Variants in DOCK3 observed in about 807,000 individuals in gnomAD.
DOCK3 encodes the protein dedicator of cytokinesis 3, also known as dedicator of cytokinesis protein 3.
DOCK3 carries 60 observed loss-of-function variants against 265.6 expected under a neutral mutation model. That is an observed-to-expected ratio of 0.23 (90% CI 0.18 to 0.28). DOCK3 has a LOEUF of 0.28. Among genes scored for constraint, DOCK3 ranks in the 10% least tolerant of loss-of-function variants. DOCK3 has a pLI of 1.00. For missense variants in DOCK3, 1,981 were observed against 2,594.3 expected (o/e 0.76, Z 5.14); for synonymous variants, 881 against 938.0 (o/e 0.94, Z 1.11).
At chr3:50,963,670 A>C (rs1362916299) in intron 5 of DOCK3, among the ~76,000 whole-genome samples, 2 of 152,220 alleles carry the variant, frequency 1.3e-5, no homozygotes, top group African/African-American at 4.8e-5. Flanking sequence ...GAAACTGGAC[A>C]TCAAGCACAA....
chr3:51,379,041 A>G (rs1024768015), intron 51 of DOCK3, among the ~76,000 whole-genome samples: 1 of 152,182 alleles, frequency 6.6e-6, no homozygotes, highest in African/African-American at 2.4e-5. Context: ...GAGCCTGGGC[A>G]GTAGGAGAGC....
At chr3:50,882,798 C>G (rs2048115880) in intron 3 of DOCK3, among the ~76,000 whole-genome samples, 1 of 152,186 alleles carries the variant, frequency 6.6e-6, no homozygotes, top group Admixed American at 6.5e-5. Flanking sequence ...AATCATGCTG[C>G]TATAAAGACA....
intron 2 of DOCK3, chr3:50,788,042 C>T (rs2108581439): frequency 1.3e-6 from 1 of 741,592 alleles, no homozygotes; most frequent in South Asian, 1.7e-5. Flanking sequence ...TCCTGTCTCC[C>T]TGAAATGTGG....
intron 5 of DOCK3, among the ~76,000 whole-genome samples, chr3:50,943,166 T>C (rs2076339861): frequency 6.6e-6 from 1 of 152,094 alleles, no homozygotes; most frequent in African/African-American, 2.4e-5. Context: ...GGTGAAAGTA[T>C]GGGGATCATT....
rs1206280519 is a variant in DOCK3 at position 50,718,836 on chromosome 3, G to T, written c.37+43536G>T. Among the ~76,000 whole-genome samples the T allele has an allele frequency of 2.1e-4, 31 of 146,270 alleles. No individual in the cohort carries two copies. In the Admixed American group the frequency reaches 2.2e-3, roughly 10 times the overall value. ...ATCTTGCTCTGTCACCCAGGCCAGA[G>T]TGCAGTGGCACGATCTCGGCTCACT... is the stretch of plus-strand genomic sequence containing the variant. On this transcript the variant is annotated intron_variant, in intron 1 of 52. Transcript: ENST00000266037.
At chr3:51,250,483 G>A (rs1159991895) in intron 22 of DOCK3, among the ~76,000 whole-genome samples, 1 of 152,056 alleles carries the variant, frequency 6.6e-6, no homozygotes, top group African/African-American at 2.4e-5. Context: ...ACCGGGCATG[G>A]TGGCATGCAC....
intron 32 of DOCK3, among the ~76,000 whole-genome samples, chr3:51,325,880 G>C (rs908341099): frequency 6.6e-6 from 1 of 152,116 alleles, no homozygotes. Context: ...CATGGACACA[G>C]GGAGGGGAAC....
chr3:50,733,853 A>G (rs1213102768), intron 1 of DOCK3, among the ~76,000 whole-genome samples: 1 of 147,734 alleles, frequency 6.8e-6, no homozygotes, highest in Admixed American at 6.8e-5. Flanking sequence ...GTATACTTTG[A>G]TTCCTTTCTG....
chr3:50,792,943 C>T (rs1013166200), intron 2 of DOCK3, among the ~76,000 whole-genome samples: 4 of 152,156 alleles, frequency 2.6e-5, no homozygotes, highest in Admixed American at 1.3e-4. Context: ...AAGGAGAAGT[C>T]CCTCCTCCTT....
rs1353860383 is a variant in DOCK3 at position 51,361,982 on chromosome 3, G to A, written c.5130G>A (p.Leu1710=). 6.2e-7 allele frequency: 1 copy of A among 1,608,808 alleles called. No homozygotes were observed. The highest frequency in any genetic ancestry group is 1.1e-5 in the South Asian group (1 of 89,770). ...DGSMGDAPED[L]YHHMQLAYPN... is the part of the protein sequence containing the mutation. ...CCATGGGTGATGCTCCTGAGGACCT[G>A]TACCACCACATGCAGGTACAGAGCT... Residue 1710 remains leucine (L), a synonymous_variant, in exon 48 of 53, where the codon CTG becomes CTA. Coordinates refer to ENST00000266037, the MANE Select transcript of DOCK3 (RefSeq NM_004947.5). This position sits in a 1 kb window ranked among gnomAD's most constrained non-coding sequence, Gnocchi z 4.2.
At chr3:50,943,757 G>A (rs901600150) in intron 5 of DOCK3, among the ~76,000 whole-genome samples, 2 of 152,000 alleles carry the variant, frequency 1.3e-5, no homozygotes, top group African/African-American at 2.4e-5. Flanking sequence ...AATTTGCTAC[G>A]TTTACCTTTT....
At chr3:51,307,205 G>T (rs1036429872) in intron 27 of DOCK3, among the ~76,000 whole-genome samples, 1 of 152,026 alleles carries the variant, frequency 6.6e-6, no homozygotes, top group African/African-American at 2.4e-5. Flanking sequence ...CTACAACCTT[G>T]CCTGGACTCA....
chr3:51,344,359 G>T (rs185150798), intron 38 of DOCK3, among the ~76,000 whole-genome samples: 1 of 152,180 alleles, frequency 6.6e-6, no homozygotes, highest in Non-Finnish European at 1.5e-5. Context: ...GGTGGCTCAC[G>T]CCTGCAATCC....
chr3:50,864,760 T>G (rs1242097070), intron 3 of DOCK3, among the ~76,000 whole-genome samples: 1 of 152,116 alleles, frequency 6.6e-6, no homozygotes, highest in Non-Finnish European at 1.5e-5. Context: ...GTTAAGTGTG[T>G]GGATTTATTT....
intron 5 of DOCK3, among the ~76,000 whole-genome samples, chr3:50,953,896 AT>A (rs1309782415): frequency 6.6e-6 from 1 of 152,072 alleles, no homozygotes; most frequent in Admixed American, 6.6e-5. Context: ...ATATCTACCT[AT>A]TTTTTAATTT....
chr3:51,008,745 G>A (rs1343888451), intron 5 of DOCK3, among the ~76,000 whole-genome samples: 1 of 152,126 alleles, frequency 6.6e-6, no homozygotes, highest in East Asian at 1.9e-4. Flanking sequence ...TATGATATTG[G>A]CTGTGGGTTT....
chr3:51,278,070 T>C (rs2080910503), intron 26 of DOCK3: 2 of 985,260 alleles, frequency 2.0e-6, no homozygotes, highest in African/African-American at 3.5e-5. Flanking sequence ...TAGTAAGAGG[T>C]TGAAGGTGAA....
intron 4 of DOCK3, among the ~76,000 whole-genome samples, chr3:50,919,522 A>G (rs1172683352): frequency 6.6e-6 from 1 of 152,158 alleles, no homozygotes; most frequent in Non-Finnish European, 1.5e-5. Flanking sequence ...AGCAGTTGTG[A>G]ATGGGAGTTC....
chr3:50,954,547 A>G (rs1559858227), intron 5 of DOCK3, among the ~76,000 whole-genome samples: 1 of 152,164 alleles, frequency 6.6e-6, no homozygotes, highest in Admixed American at 6.6e-5. Flanking sequence ...TTATTTATAT[A>G]AAGTACCCAA....
Sources: gnomAD v4.1 joint callset for allele counts (sites outside exome capture counted in the v4.1 genomes callset) on GRCh38, gnomAD v4.1.1 for gene constraint, Gnocchi (gnomAD v3.1) non-coding constraint, MANE v1.5 for transcripts, NCBI Gene and HGNC (gene_info 2026-07-23, HGNC 2026-07-21) for gene names.